CLEC12A: variants seen among roughly 807,000 people sequenced by gnomAD.
CLEC12A encodes the protein C-type lectin domain family 12 member A, also known as C-type lectin protein CLL-1.
A neutral mutation model predicts 26.5 loss-of-function variants in CLEC12A; 22 were observed. The observed-to-expected ratio is 0.83, with a 90% CI of 0.59 to 1.19. CLEC12A has a LOEUF of 1.19. Among genes scored for constraint, CLEC12A ranks in the 50% most tolerant of loss-of-function variants. The pLI, the probability that CLEC12A is intolerant of heterozygous loss-of-function variation, is 0.00. For synonymous variants in CLEC12A, 119 were observed against 101.9 expected, an observed-to-expected ratio of 1.17 and a Z score of -1.01; for missense variants, 353 against 315.6, an observed-to-expected ratio of 1.12 and a Z score of -0.90.
intron 1 of CLEC12A, among the ~76,000 whole-genome samples, chr12:9,957,443 G>A (rs374169879): frequency 2.6e-4 from 36 of 140,294 alleles, no homozygotes; most frequent in African/African-American, 8.9e-4. Context: ...AGCCAAAATC[G>A]TGCCACTGCA....
At chr12:9,995,736 C>G (rs1245341919), downstream of CLEC12A, 1 of 203,456 alleles carries the variant, frequency 4.9e-6, no homozygotes, top group Non-Finnish European at 1.0e-5. Context: ...TTTATGATGT[C>G]TTTCTCAAAA....
chr12:9,965,524 G>A (rs1273333600), intron 1 of CLEC12A, among the ~76,000 whole-genome samples: 5 of 151,186 alleles, frequency 3.3e-5, no homozygotes, highest in Admixed American at 6.6e-5. Context: ...CTGGGATGAC[G>A]GGTGCAAAGG....
downstream of CLEC12A, chr12:9,986,013 G>A (rs983157812): frequency 7.6e-6 from 2 of 261,998 alleles, no homozygotes; most frequent in South Asian, 3.4e-5. Flanking sequence ...CCTCTTCTGT[G>A]ACAGTAGCTG....
downstream of CLEC12A, chr12:9,985,632 G>T: frequency 2.5e-6 from 1 of 394,418 alleles, no homozygotes. Context: ...TCTGTGTGTT[G>T]AGCTACTGTA....
chr12:10,003,082 A>G, the CLEC12A span, among the ~76,000 whole-genome samples: 1 of 152,180 alleles, frequency 6.6e-6, no homozygotes, highest in East Asian at 1.9e-4. Flanking sequence ...GGAAGTGAGT[A>G]TTTTGCAACT....
At chr12:9,959,354 A>C (rs1451589420) in intron 1 of CLEC12A, among the ~76,000 whole-genome samples, 2 of 151,688 alleles carry the variant, frequency 1.3e-5, no homozygotes, top group Non-Finnish European at 2.9e-5. Context: ...CTGGAGGCTG[A>C]GGCAGGAGAA....
At chr12:9,978,261 C>T (rs937443636) in intron 1 of CLEC12A, among the ~76,000 whole-genome samples, 3 of 131,748 alleles carry the variant, frequency 2.3e-5, no homozygotes. Flanking sequence ...AATTCACTCA[C>T]AAAGTTTATA....
chr12:9,972,467 T>C (rs1864167713), intron 1 of CLEC12A, among the ~76,000 whole-genome samples: 1 of 152,192 alleles, frequency 6.6e-6, no homozygotes, highest in African/African-American at 2.4e-5. Context: ...CCTAGCCTTT[T>C]GGGAGTGAAA....
At chr12:9,994,064 G>A (rs1356366954) in intron 4 of CLEC12A, among the ~76,000 whole-genome samples, 6 of 152,000 alleles carry the variant, frequency 3.9e-5, no homozygotes, top group Admixed American at 2.6e-4. Context: ...AAACAGTGGT[G>A]GACTGTATGG....
chr12:9,998,276 A>G, downstream of CLEC12A: 1 of 1,612,636 alleles, frequency 6.2e-7, no homozygotes, highest in Non-Finnish European at 8.5e-7. Flanking sequence ...CAGAGTCAAC[A>G]CTTACACCAA....
rs1395992005 is a variant in CLEC12A at position 9,971,511 on chromosome 12, T to G, written c.-86T>G. ...GTTTATAAACAGAAGTTTAAAATTA[T>G]AGGTCCTGTTTAACATTCAGCTCTG... is the stretch of plus-strand genomic sequence containing the variant. On this transcript the variant is annotated 5_prime_UTR_variant, in exon 1 of 6. Transcript: ENST00000304361. The G allele has an allele frequency of 7.0e-5, 105 of 1,508,210 alleles. No homozygotes were observed. The highest frequency in any genetic ancestry group is 9.0e-5 in the Non-Finnish European group (102 of 1,133,898). The allele number at this position is 1,508,210 out of a possible 1,614,324, so 93.4% of individuals were successfully genotyped here.
chr12:9,969,638 G>A (rs1419505439), upstream of CLEC12A, among the ~76,000 whole-genome samples: 1 of 152,104 alleles, frequency 6.6e-6, no homozygotes, highest in Non-Finnish European at 1.5e-5. Context: ...ATGAAACAAC[G>A]TTCCACATGA....
intron 1 of CLEC12A, among the ~76,000 whole-genome samples, chr12:9,959,343 T>TCA (rs1382662387): frequency 1.3e-5 from 2 of 151,814 alleles, no homozygotes; most frequent in Admixed American, 6.6e-5. Flanking sequence ...CCCCAGCTAC[T>TCA]CTGGAGGCTG....
chr12:9,954,880 C>T (rs2137090757), intron 1 of CLEC12A, among the ~76,000 whole-genome samples: 1 of 152,164 alleles, frequency 6.6e-6, no homozygotes, highest in South Asian at 2.1e-4. Context: ...TGTCAGCATA[C>T]TTTTTTTGTT....
chr12:9,994,772 A>T (rs1399566088), intron 4 of CLEC12A, among the ~76,000 whole-genome samples: 1 of 152,134 alleles, frequency 6.6e-6, no homozygotes, highest in Non-Finnish European at 1.5e-5. Flanking sequence ...TTTTGTTTTA[A>T]AAATATGTGA....
the CLEC12A span, among the ~76,000 whole-genome samples, chr12:10,002,007 G>A: frequency 6.6e-6 from 1 of 151,560 alleles, no homozygotes; most frequent in Non-Finnish European, 1.5e-5. Flanking sequence ...AGCCTCCCGA[G>A]TAGCTGGGAG....
At chr12:10,003,447 T>C in the CLEC12A span, among the ~76,000 whole-genome samples, 1 of 152,168 alleles carries the variant, frequency 6.6e-6, no homozygotes, top group Non-Finnish European at 1.5e-5. Flanking sequence ...ACAGAACATA[T>C]GTAAGTAAAA....
At chr12:9,993,031 TCC>T in intron 4 of CLEC12A, 2 of 923,032 alleles carry the variant, frequency 2.2e-6, no homozygotes, top group Non-Finnish European at 3.3e-6. Context: ...TAAAAATAAC[TCC>T]AGTGAGAAGA....
At chr12:9,980,870 A>C in intron 4 of CLEC12A, 137 bp downstream of exon 4, 1 of 827,614 alleles carries the variant, frequency 1.2e-6, no homozygotes, top group Non-Finnish European at 1.9e-6. Flanking sequence ...CACTTATCTC[A>C]AGATATCATA....
Sources: allele counts gnomAD v4.1 joint callset (sites outside exome capture counted in the v4.1 genomes callset), GRCh38; gene constraint gnomAD v4.1.1; transcripts MANE v1.5; gene names NCBI Gene and HGNC (gene_info 2026-07-23, HGNC 2026-07-21).